The following ITGA11 variants were observed in gnomAD, a reference collection of about 807,000 sequenced individuals.
ITGA11 encodes integrin alpha-11.
ITGA11 carries 97 observed loss-of-function variants against 141.9 expected under a neutral mutation model. The observed-to-expected ratio is 0.68, with a 90% CI of 0.58 to 0.81. The LOEUF (loss-of-function observed/expected upper bound fraction) is 0.81. Among genes scored for constraint, ITGA11 ranks in the 30% least tolerant of loss-of-function variants. The pLI is 0.00. For missense variants in ITGA11, 1,387 were observed against 1,559.2 expected (o/e 0.89, Z 1.86); for synonymous variants, 658 against 624.6 (o/e 1.05, Z -0.80).
At chr15:68,378,224 T>C (rs1022320260) in intron 2 of ITGA11, among the ~76,000 whole-genome samples, 27 of 152,200 alleles carry the variant, frequency 1.8e-4, no homozygotes, top group African/African-American at 5.8e-4. Flanking sequence ...CTGGTATAGA[T>C]AGATAATATA....
chr15:68,420,926 A>T (rs1897002801), intron 1 of ITGA11, among the ~76,000 whole-genome samples: 1 of 152,124 alleles, frequency 6.6e-6, no homozygotes, highest in Admixed American at 6.5e-5. Flanking sequence ...ATGCATGTGA[A>T]TGCATGCAGG....
At chr15:68,329,734 C>T (rs995823600) in intron 15 of ITGA11, among the ~76,000 whole-genome samples, 2 of 152,208 alleles carry the variant, frequency 1.3e-5, no homozygotes, top group East Asian at 1.9e-4. Flanking sequence ...ACCTTGCAAG[C>T]CCAGGCTGCT....
chr15:68,376,140 T>G (rs1490946007), intron 2 of ITGA11, among the ~76,000 whole-genome samples: 1 of 152,056 alleles, frequency 6.6e-6, no homozygotes, highest in Non-Finnish European at 1.5e-5. Flanking sequence ...CGACTCTCAC[T>G]GGGCTCAAAG....
chr15:68,319,202 C>T (rs984637663), intron 20 of ITGA11, among the ~76,000 whole-genome samples: 7 of 152,236 alleles, frequency 4.6e-5, no homozygotes, highest in African/African-American at 7.2e-5. Context: ...TTCCGCTCTG[C>T]GGCTCACCAG....
chr15:68,395,768 T>C (rs943845622), intron 2 of ITGA11, among the ~76,000 whole-genome samples: 7 of 138,702 alleles, frequency 5.0e-5, no homozygotes, highest in Admixed American at 1.5e-4. Flanking sequence ...AAATACCTAA[T>C]GTAAATGACG....
intron 3 of ITGA11, among the ~76,000 whole-genome samples, chr15:68,367,021 G>T (rs1895442697): frequency 6.6e-6 from 1 of 152,122 alleles, no homozygotes; most frequent in African/African-American, 2.4e-5. Flanking sequence ...TTTCCACTGT[G>T]GGGCAAAACT....
intron 2 of ITGA11, among the ~76,000 whole-genome samples, chr15:68,402,606 A>C (rs1347206416): frequency 6.6e-6 from 1 of 152,114 alleles, no homozygotes; most frequent in Non-Finnish European, 1.5e-5. Context: ...CTCCAGGTAG[A>C]CATGACCAGG....
chr15:68,398,573 T>C (rs950222253), intron 2 of ITGA11, among the ~76,000 whole-genome samples: 23 of 140,498 alleles, frequency 1.6e-4, no homozygotes, highest in African/African-American at 5.5e-4. Flanking sequence ...ACATATTTAT[T>C]ATAATATGAT....
intron 2 of ITGA11, among the ~76,000 whole-genome samples, chr15:68,388,101 C>A (rs1156724018): frequency 6.6e-6 from 1 of 152,186 alleles, no homozygotes; most frequent in Admixed American, 6.5e-5. Flanking sequence ...AAAGCCTGCA[C>A]CCTGTTGCTG....
At chr15:68,361,232 T>A (rs1437903840) in intron 5 of ITGA11, among the ~76,000 whole-genome samples, 2 of 152,180 alleles carry the variant, frequency 1.3e-5, no homozygotes, top group East Asian at 3.9e-4. Flanking sequence ...TTCATATGTC[T>A]AAGTGAACAA....
chr15:68,321,381 G>T lies in ITGA11; in HGVS notation c.2408+37C>A, dbSNP rs536506265. The T allele has an allele frequency of 5.5e-5, 76 of 1,384,694 alleles. No homozygotes were observed. In the South Asian group the frequency reaches 8.7e-4, roughly 16 times the overall value. 85.8% of individuals were successfully genotyped at this position (1,384,694 alleles called of 1,614,324 possible). A position where few individuals can be genotyped will look rare whatever the true frequency, so the allele number is the denominator to read the frequency against. ...CCCCAGAGCCTCTGGCAGTGAAGGG[G>T]AAGGGGCGAGGGTGGGGGTGGAAGG... is the stretch of plus-strand genomic sequence containing the variant. On this transcript the variant is annotated intron_variant, in intron 19 of 29. Transcript: ENST00000315757. This position sits in a 1 kb window ranked among gnomAD's most constrained non-coding sequence, Gnocchi z 4.9.
chr15:68,414,815 C>T (rs1353655416), intron 1 of ITGA11, among the ~76,000 whole-genome samples: 1 of 152,116 alleles, frequency 6.6e-6, no homozygotes, highest in African/African-American at 2.4e-5. Context: ...CAGCCTCAAG[C>T]CCCCCCATGA....
intron 1 of ITGA11, among the ~76,000 whole-genome samples, chr15:68,404,425 C>T (rs1284161995): frequency 6.6e-6 from 1 of 152,144 alleles, no homozygotes; most frequent in East Asian, 1.9e-4. Flanking sequence ...ACTAATTCTT[C>T]CTGGCAGGAA....
intron 2 of ITGA11, among the ~76,000 whole-genome samples, chr15:68,372,231 T>C (rs2140364640): frequency 6.6e-6 from 1 of 152,250 alleles, no homozygotes; most frequent in South Asian, 2.1e-4. Flanking sequence ...GAGGACATGA[T>C]TCAGTCCCAG....
chr15:68,351,232 C>T (rs1894901136), intron 8 of ITGA11, 26 bp downstream of exon 8: 11 of 1,612,372 alleles, frequency 6.8e-6, no homozygotes, highest in East Asian at 2.2e-5. Flanking sequence ...AGGCCATCAG[C>T]AGCCCTTGGG....
chr15:68,351,066 G>A (rs896936148), intron 8 of ITGA11, among the ~76,000 whole-genome samples, 192 bp downstream of exon 8: 4 of 152,172 alleles, frequency 2.6e-5, no homozygotes, highest in Admixed American at 6.5e-5. Flanking sequence ...AACACAACCC[G>A]TAGCTTTTGT....
intron 2 of ITGA11, among the ~76,000 whole-genome samples, chr15:68,389,507 G>A (rs1172218858): frequency 6.6e-6 from 1 of 152,246 alleles, no homozygotes; most frequent in East Asian, 1.9e-4. Flanking sequence ...GGACTAGAGA[G>A]ATCTGGGCTC....
Position 68,405,504 on chromosome 15 carries a change from A to G in ITGA11, c.53-2475T>C, listed in dbSNP as rs151058018. On this transcript the variant is annotated intron_variant, in intron 1 of 29. Coordinates refer to ENST00000315757, the MANE Select transcript of ITGA11 (RefSeq NM_001004439.2). The stretch of plus-strand genomic sequence containing the variant: ...CATGAATTTAGTGTCATGGCCCTGG[A>G]GTGGGGGTTGGGGAAGAAGAGTATA... Among the ~76,000 whole-genome samples the G allele has an allele frequency of 2.6e-4, 39 of 152,102 alleles. 1 individual carries two copies. The highest frequency in any genetic ancestry group is 8.9e-4 in the African/African-American group (37 of 41,500).
chr15:68,315,851 C>A lies in ITGA11; in HGVS notation c.2716-124G>T, dbSNP rs544766061. On this transcript the variant is annotated intron_variant, in intron 21 of 29. Transcript: ENST00000315757. The stretch of plus-strand genomic sequence containing the variant: ...GAGCTTGCTGGGGGTTGGGGAGCTG[C>A]TGGCTGGGAACAGGCTGGGAAAGGG... The A allele has an allele frequency of 8.6e-5, 62 of 721,502 alleles. No homozygotes were observed. The African/African-American group carries it at 9.3e-4, about 11-fold the overall frequency. The allele number at this position is 721,502 out of a possible 1,614,324, so 44.7% of individuals were successfully genotyped here. A position where few individuals can be genotyped will look rare whatever the true frequency, so the allele number is the denominator to read the frequency against.
Sources: gnomAD v4.1 joint callset for allele counts (sites outside exome capture counted in the v4.1 genomes callset) on GRCh38, gnomAD v4.1.1 for gene constraint, Gnocchi (gnomAD v3.1) non-coding constraint, MANE v1.5 for transcripts, NCBI Gene and HGNC (gene_info 2026-07-23, HGNC 2026-07-21) for gene names.